CLSTN2: variants seen among roughly 807,000 people sequenced by gnomAD.
CLSTN2 encodes the protein calsyntenin 2.
Under a neutral mutation model 101.2 loss-of-function variants are expected in CLSTN2, and 48 were observed. That is an observed-to-expected ratio of 0.47 (90% CI 0.38 to 0.60). The LOEUF (loss-of-function observed/expected upper bound fraction) is 0.60, where lower values mean the gene tolerates loss of function less well. CLSTN2 is among the 20% of genes least tolerant of loss of function. CLSTN2 has a pLI of 0.00. For synonymous variants in CLSTN2, 481 were observed against 463.6 expected, an observed-to-expected ratio of 1.04 and a Z score of -0.48; for missense variants, 1,160 against 1,238.2, an observed-to-expected ratio of 0.94 and a Z score of 0.95.
At chr3:140,151,036 GCCTGTACCTGC>G (rs2009856715) in intron 1 of CLSTN2, among the ~76,000 whole-genome samples, 1 of 151,992 alleles carries the variant, frequency 6.6e-6, no homozygotes. Flanking sequence ...ACAATGGAAG[GCCTGTACCTGC>G]CCTGTACCTT....
At chr3:140,489,505 G>A (rs1231453246) in intron 8 of CLSTN2, among the ~76,000 whole-genome samples, 1 of 152,122 alleles carries the variant, frequency 6.6e-6, no homozygotes. Flanking sequence ...CATGATCAGG[G>A]ATAGACAGGA....
chr3:140,137,330 C>T (rs971432869), intron 1 of CLSTN2, among the ~76,000 whole-genome samples: 10 of 135,316 alleles, frequency 7.4e-5, no homozygotes, highest in Admixed American at 1.5e-4. Flanking sequence ...CATGCTGTTT[C>T]TTGCCTGGAA....
At chr3:140,234,700 T>G (rs1443042945) in intron 2 of CLSTN2, among the ~76,000 whole-genome samples, 4 of 152,204 alleles carry the variant, frequency 2.6e-5, no homozygotes, top group Non-Finnish European at 5.9e-5. Flanking sequence ...TATATCCCAA[T>G]GCCTACGTGA....
At chr3:140,226,748 C>A (rs1401554246) in intron 2 of CLSTN2, among the ~76,000 whole-genome samples, 1 of 152,176 alleles carries the variant, frequency 6.6e-6, no homozygotes, top group Non-Finnish European at 1.5e-5. Flanking sequence ...ACAGGACTTA[C>A]AGTTCCATGT....
At position 140,424,240 on chromosome 3, in the gene CLSTN2, G is replaced by A. The variant is rs558326687; in HGVS notation, c.787+2966G>A. On this transcript the variant is annotated intron_variant, in intron 5 of 16. Transcript: ENST00000458420. ...AACTGCCAAACTGTGTTTGGCATCC[G>A]GATCCAGAGTCTGGGATGTCCTCTC... Among the ~76,000 whole-genome samples, 59 of 152,276 alleles carry A rather than the reference G, an allele frequency of 3.9e-4. 1 individual carries two copies. The highest frequency in any genetic ancestry group is 8.3e-4 in the South Asian group (4 of 4,820).
chr3:140,351,795 T>TTG (rs1190725745), intron 2 of CLSTN2, among the ~76,000 whole-genome samples: 24 of 151,760 alleles, frequency 1.6e-4, no homozygotes, highest in South Asian at 8.3e-4. Flanking sequence ...TTGTTTTGTT[T>TTG]TTTTTTTTTC....
rs2088283112 is a variant in CLSTN2 at position 140,404,679 on chromosome 3, A to G, written c.550A>G (p.Ile184Val). ...IYDSILQVEAIDEDCSPQYSQ... is the reference protein window; with the variant it reads ...IYDSILQVEAVDEDCSPQYSQ... ...TGACAGCATTCTGCAGGTGGAGGCC[A>G]TTGACGAGGACTGCTCCCCACAGTA... Residue 184 changes from isoleucine to valine, a missense_variant, in exon 4 of 17, where the codon ATT becomes GTT. Coordinates refer to ENST00000458420, the MANE Select transcript of CLSTN2 (RefSeq NM_022131.3). 1.9e-6 allele frequency: 3 copies of G among 1,614,226 alleles called. No homozygotes were observed. The highest frequency in any genetic ancestry group is 2.5e-6 in the Non-Finnish European group (3 of 1,180,036).
At chr3:140,130,874 T>C (rs1286779340) in intron 1 of CLSTN2, among the ~76,000 whole-genome samples, 2 of 152,188 alleles carry the variant, frequency 1.3e-5, no homozygotes, top group Non-Finnish European at 2.9e-5. Context: ...ACCCTGTGTT[T>C]AACTGGCTTC....
At chr3:140,405,376 C>T (rs746615227) in intron 4 of CLSTN2, among the ~76,000 whole-genome samples, 9 of 152,016 alleles carry the variant, frequency 5.9e-5, no homozygotes, top group East Asian at 1.9e-4. Context: ...TACAAGCGTG[C>T]GCCACCATGC....
intron 5 of CLSTN2, among the ~76,000 whole-genome samples, chr3:140,426,431 T>C (rs866029995): frequency 6.6e-6 from 1 of 152,350 alleles, no homozygotes; most frequent in Middle Eastern, 3.4e-3. Context: ...TCCAGCTCCA[T>C]CCATGTCCCT....
At chr3:139,957,557 G>T (rs1039666557) in intron 1 of CLSTN2, among the ~76,000 whole-genome samples, 3 of 151,914 alleles carry the variant, frequency 2.0e-5, no homozygotes, top group Non-Finnish European at 2.9e-5. Flanking sequence ...AAGGTGCAGG[G>T]CTCATGTCTT....
intron 5 of CLSTN2, among the ~76,000 whole-genome samples, chr3:140,428,764 T>A (rs1019576496): frequency 6.6e-6 from 1 of 152,190 alleles, no homozygotes; most frequent in Non-Finnish European, 1.5e-5. Context: ...ATTGAACCAT[T>A]TCTTCTCTGT....
intron 1 of CLSTN2, among the ~76,000 whole-genome samples, chr3:140,107,023 G>A (rs2009070552): frequency 6.6e-6 from 1 of 152,022 alleles, no homozygotes; most frequent in Non-Finnish European, 1.5e-5. Flanking sequence ...CTACTGTCTG[G>A]CATTAAAGAT....
At chr3:140,318,043 C>T (rs1365763198) in intron 2 of CLSTN2, among the ~76,000 whole-genome samples, 1 of 152,168 alleles carries the variant, frequency 6.6e-6, no homozygotes, top group Non-Finnish European at 1.5e-5. Context: ...CTTTTCCCAT[C>T]TTAGATGAGG....
At chr3:140,059,006 A>G (rs1335389605) in intron 1 of CLSTN2, among the ~76,000 whole-genome samples, 1 of 151,308 alleles carries the variant, frequency 6.6e-6, no homozygotes, top group South Asian at 2.1e-4. Context: ...TTGGCACCCA[A>G]TTAGCAGAAG....
rs527400437 is a variant in CLSTN2, at chr3:140,070,613, A to G, written c.110-105338A>G. On this transcript the variant is annotated intron_variant, in intron 1 of 16. Transcript: ENST00000458420. ...TATATTTTTTGGATGGCCAGATTTG[A>G]TACTTAAAAATGTTAATTTCCCAGC... is the stretch of plus-strand genomic sequence containing the variant. Among the ~76,000 whole-genome samples the G allele has an allele frequency of 1.1e-3, 161 of 149,652 alleles. 1 individual carries two copies. The highest frequency in any genetic ancestry group is 4.0e-3 in the African/African-American group (158 of 39,534).
At chr3:140,099,595 T>C (rs2107789361) in intron 1 of CLSTN2, among the ~76,000 whole-genome samples, 1 of 152,270 alleles carries the variant, frequency 6.6e-6, no homozygotes, top group South Asian at 2.1e-4. Flanking sequence ...GGGGCCACTA[T>C]TCAACTCACT....
intron 2 of CLSTN2, among the ~76,000 whole-genome samples, chr3:140,245,554 T>A (rs1480495094): frequency 6.6e-6 from 1 of 152,134 alleles, no homozygotes; most frequent in Admixed American, 6.5e-5. Context: ...TGTGGAAGGA[T>A]AACTGAATTC....
chr3:139,954,867 T>C (rs1935360214), intron 1 of CLSTN2, among the ~76,000 whole-genome samples: 1 of 151,966 alleles, frequency 6.6e-6, no homozygotes, highest in African/African-American at 2.4e-5. Context: ...ATTCTGCGTT[T>C]CTCTAAGAGA....
Sources: allele counts gnomAD v4.1 joint callset (sites outside exome capture counted in the v4.1 genomes callset), GRCh38; gene constraint gnomAD v4.1.1; transcripts MANE v1.5; gene names NCBI Gene and HGNC (gene_info 2026-07-23, HGNC 2026-07-21).